The following OSBPL6 variants were observed in gnomAD, a reference collection of about 807,000 sequenced individuals.
OSBPL6 encodes the protein oxysterol binding protein like 6, also known as oxysterol-binding protein-related protein 6.
Under a neutral mutation model 125.8 loss-of-function variants are expected in OSBPL6, and 49 were observed. That is an observed-to-expected ratio of 0.39 (90% CI 0.31 to 0.49). The LOEUF (loss-of-function observed/expected upper bound fraction) is 0.49, where lower values mean the gene tolerates loss of function less well. Ranked by LOEUF, OSBPL6 falls within the 20% of genes least tolerant of loss-of-function variation. The pLI is 0.88. For missense variants in OSBPL6, 986 were observed against 1,135.4 expected, an observed-to-expected ratio of 0.87 and a Z score of 1.89; for synonymous variants, 394 against 391.8, an observed-to-expected ratio of 1.01 and a Z score of -0.07.
At chr2:178,223,919 T>A (rs1348617531) in intron 1 of OSBPL6, among the ~76,000 whole-genome samples, 1 of 152,230 alleles carries the variant, frequency 6.6e-6, no homozygotes, top group Non-Finnish European at 1.5e-5. Flanking sequence ...GGTTGGCTAG[T>A]GTGACCTTCA....
chr2:178,223,863 G>A (rs2090441718), intron 1 of OSBPL6, among the ~76,000 whole-genome samples: 1 of 152,150 alleles, frequency 6.6e-6, no homozygotes, highest in Admixed American at 6.5e-5. Flanking sequence ...GATGTTTTCT[G>A]AGCCTTTGGC....
intron 8 of OSBPL6, among the ~76,000 whole-genome samples, chr2:178,335,428 G>T (rs2154079272): frequency 6.6e-6 from 1 of 152,144 alleles, no homozygotes; most frequent in South Asian, 2.1e-4. Flanking sequence ...TTATCAACAT[G>T]CAATAAAGAG....
rs987103316 is a variant in OSBPL6, at chr2:178,220,461, C to T, written c.-351+25787C>T. ...TCAGATGCACACCACCATGGCTGGG[C>T]CTTTTTTTAAATTTTGTATCATTTT... On this transcript the variant is annotated intron_variant, in intron 1 of 24. Coordinates refer to ENST00000190611, the MANE Select transcript of OSBPL6 (RefSeq NM_032523.4). Among the ~76,000 whole-genome samples, 5 of 151,958 alleles carry T rather than the reference C, an allele frequency of 3.3e-5. No homozygotes were observed. The East Asian group carries it at 9.6e-4, about 29-fold the overall frequency.
In OSBPL6 at chr2:178,304,474, C is replaced by T. The variant is rs538965666; in HGVS notation, c.-155-1556C>T. The stretch of plus-strand genomic sequence containing the variant: ...CTCATGAGGACAGGATGAGGGTAAC[C>T]GCCCCCAAGATCAAATTACTTCTCA... On this transcript the variant is annotated intron_variant, in intron 2 of 24. Coordinates refer to ENST00000190611, the MANE Select transcript of OSBPL6 (RefSeq NM_032523.4). Among the ~76,000 whole-genome samples the T allele has an allele frequency of 4.6e-5, 7 of 152,206 alleles. No homozygotes were observed. In the East Asian group the frequency reaches 5.8e-4, roughly 13 times the overall value.
intron 1 of OSBPL6, among the ~76,000 whole-genome samples, chr2:178,277,112 C>A (rs2092486011): frequency 6.6e-6 from 1 of 152,154 alleles, no homozygotes; most frequent in African/African-American, 2.4e-5. Context: ...CTAACTCTTT[C>A]TTTAGAGCAT....
chr2:178,237,784 C>A (rs534688880), intron 1 of OSBPL6, among the ~76,000 whole-genome samples: 1 of 152,136 alleles, frequency 6.6e-6, no homozygotes, highest in Non-Finnish European at 1.5e-5. Flanking sequence ...CCTGGAGGCA[C>A]AAAGTTACTC....
At chr2:178,217,429 G>C (rs1215177531) in intron 1 of OSBPL6, among the ~76,000 whole-genome samples, 1 of 152,164 alleles carries the variant, frequency 6.6e-6, no homozygotes, top group African/African-American at 2.4e-5. Flanking sequence ...CATTGTCCGA[G>C]GTGTATACTC....
chr2:178,252,695 A>G (rs2091739446), intron 1 of OSBPL6, among the ~76,000 whole-genome samples: 1 of 152,178 alleles, frequency 6.6e-6, no homozygotes, highest in African/African-American at 2.4e-5. Context: ...CCAAATTTAG[A>G]TAGGCAGATA....
At chr2:178,243,746 A>G (rs2091384741) in intron 1 of OSBPL6, among the ~76,000 whole-genome samples, 1 of 152,106 alleles carries the variant, frequency 6.6e-6, no homozygotes, top group African/African-American at 2.4e-5. Flanking sequence ...CTCCGCCTCC[A>G]GGTTCAAGCG....
intron 1 of OSBPL6, among the ~76,000 whole-genome samples, chr2:178,263,713 C>A (rs1376818472): frequency 1.3e-5 from 2 of 151,928 alleles, no homozygotes; most frequent in African/African-American, 4.8e-5. Context: ...TGACCACAAA[C>A]GTGTGCTTGG....
In OSBPL6 at chr2:178,396,940, A is replaced by G. The variant is rs1040181151; in HGVS notation, c.*1381A>G. On this transcript the variant is annotated 3_prime_UTR_variant, in exon 25 of 25. Coordinates refer to ENST00000190611, the MANE Select transcript of OSBPL6 (RefSeq NM_032523.4). Reference sequence around the variant, plus strand: ...ATAAATGCCTGTATGTTTTTTTTAAAATATCTCCTCAGAGATTTTCCTAGG... The same window carrying G: ...ATAAATGCCTGTATGTTTTTTTTAAGATATCTCCTCAGAGATTTTCCTAGG... The G allele has an allele frequency of 6.6e-6, 1 of 152,180 alleles. No individual in the cohort carries two copies. Among genetic ancestry groups the G allele is most frequent in the Non-Finnish European group, 1.5e-5 (1 of 68,026 alleles). 9.4% of individuals were successfully genotyped at this position (152,180 alleles called of 1,614,324 possible).
chr2:178,351,395 G>T (rs1691242126), intron 12 of OSBPL6, among the ~76,000 whole-genome samples: 1 of 151,754 alleles, frequency 6.6e-6, no homozygotes, highest in Admixed American at 6.6e-5. Context: ...ATTCATTAAA[G>T]TTGCAGGATA....
chr2:178,296,666 G>A (rs1319956924), intron 2 of OSBPL6, among the ~76,000 whole-genome samples: 1 of 152,138 alleles, frequency 6.6e-6, no homozygotes, highest in African/African-American at 2.4e-5. Context: ...CCTAAACTGG[G>A]GAGAGATGCA....
intron 1 of OSBPL6, among the ~76,000 whole-genome samples, chr2:178,270,207 A>G (rs555654448): frequency 2.0e-5 from 3 of 152,180 alleles, no homozygotes; most frequent in African/African-American, 7.2e-5. Context: ...AAATTCTTCA[A>G]TTTGGCTCCC....
chr2:178,300,845 G>A (rs973622406), intron 2 of OSBPL6, among the ~76,000 whole-genome samples: 1 of 152,112 alleles, frequency 6.6e-6, no homozygotes, highest in Non-Finnish European at 1.5e-5. Flanking sequence ...ACTTTAAAAG[G>A]AGAATTATAT....
At chr2:178,279,515 C>T (rs1683914978) in intron 1 of OSBPL6, among the ~76,000 whole-genome samples, 1 of 152,216 alleles carries the variant, frequency 6.6e-6, no homozygotes, top group Admixed American at 6.5e-5. Context: ...ACCTTTACAA[C>T]TTTTGCTCAT....
intron 18 of OSBPL6, among the ~76,000 whole-genome samples, chr2:178,385,063 C>T (rs1164159956): frequency 2.0e-5 from 3 of 152,052 alleles, no homozygotes; most frequent in African/African-American, 7.2e-5. Context: ...GGGAGGAGAA[C>T]ATCACACACT....
chr2:178,224,695 C>CA (rs1346677744), intron 1 of OSBPL6, among the ~76,000 whole-genome samples: 1 of 152,132 alleles, frequency 6.6e-6, no homozygotes, highest in African/African-American at 2.4e-5. Flanking sequence ...AGCACTTTGG[C>CA]AGGCTGAACT....
chr2:178,252,814 A>G (rs186843877), intron 1 of OSBPL6, among the ~76,000 whole-genome samples: 1 of 152,250 alleles, frequency 6.6e-6, no homozygotes, highest in African/African-American at 2.4e-5. Flanking sequence ...ACTTCATGAT[A>G]CAACCCCATT....
Sources: gnomAD v4.1 joint callset for allele counts (sites outside exome capture counted in the v4.1 genomes callset) on GRCh38, gnomAD v4.1.1 for gene constraint, MANE v1.5 for transcripts, NCBI Gene and HGNC (gene_info 2026-07-23, HGNC 2026-07-21) for gene names.